DPP6: variants seen among roughly 807,000 people sequenced by gnomAD.
DPP6 encodes the protein A-type potassium channel modulatory protein DPP6.
In DPP6, 69 loss-of-function variants were observed where a neutral mutation model predicts 122.6. That is an observed-to-expected ratio of 0.56 (90% CI 0.46 to 0.69). The LOEUF (loss-of-function observed/expected upper bound fraction) is 0.69. Ranked by LOEUF, DPP6 falls within the 30% of genes least tolerant of loss-of-function variation. DPP6 has a pLI of 0.00. For missense variants in DPP6, 928 were observed against 1,116.9 expected (o/e 0.83, Z 2.41); for synonymous variants, 418 against 433.1 (o/e 0.97, Z 0.43).
chr7:154,465,424 A>G (rs1821697615), intron 2 of DPP6, among the ~76,000 whole-genome samples: 1 of 152,208 alleles, frequency 6.6e-6, no homozygotes, highest in African/African-American at 2.4e-5. Flanking sequence ...TGAACAGGCA[A>G]CCTACAGAAT....
chr7:154,885,768 C>T (rs563356806), intron 22 of DPP6, 24 bp downstream of exon 22: 23 of 1,562,628 alleles, frequency 1.5e-5, no homozygotes, highest in Non-Finnish European at 1.8e-5. Context: ...CAGGACCAAG[C>T]GACGGGCTCT....
chr7:154,540,616 GCA>G lies in DPP6; in HGVS notation c.543_544del (p.Lys183AsnfsTer2). On this transcript the variant is annotated frameshift_variant, in exon 4 of 26. Transcript: ENST00000377770. LOFTEE classifies it high-confidence loss of function. ...AATACTTCTACTGTCTTAATAGAAG[GCA>G]AAAAAATTGTAAGTACTCTCTTTAA... is the stretch of plus-strand genomic sequence containing the variant. 6.4e-7 allele frequency: 1 copy of G among 1,568,496 alleles called. No homozygotes were observed. The highest frequency in any genetic ancestry group is 1.2e-5 in the South Asian group (1 of 82,930).
chr7:154,515,024 G>GACAAAGT (rs1826375687), intron 3 of DPP6, among the ~76,000 whole-genome samples: 1 of 152,160 alleles, frequency 6.6e-6, no homozygotes, highest in Non-Finnish European at 1.5e-5. Flanking sequence ...GAGCCAAGAA[G>GACAAAGT]ACAAAGTCAT....
At chr7:154,005,223 G>C (rs1294391556) in intron 1 of DPP6, among the ~76,000 whole-genome samples, 1 of 152,200 alleles carries the variant, frequency 6.6e-6, no homozygotes, top group African/African-American at 2.4e-5. Context: ...CCTACCCCAA[G>C]AAAATAACTA....
chr7:154,892,434 A>G lies in DPP6; in HGVS notation c.2552A>G (p.Asp851Gly). The G allele has an allele frequency of 6.2e-7, 1 of 1,614,032 alleles. No individual in the cohort carries two copies. ...TTCGTGGAATGCTTCAGGATCCAGG[A>G]CAAACTGCTGACAGTCACAGCGAAA... ...NFFVECFRIQ[D>G]KLLTVTAKED... The change falls in exon 26 of 26, where the codon GAC becomes GGC. Residue 851 changes from aspartate (D) to glycine (G), a missense_variant. Asp to Gly is a moderately conservative substitution (Grantham distance 94). Transcript: ENST00000377770.
chr7:153,887,828 C>G lies in DPP6; in HGVS notation c.51+94C>G, dbSNP rs1210007338. 2.2e-6 allele frequency: 3 copies of G among 1,381,770 alleles called. No homozygotes were observed. In the African/African-American group the frequency reaches 4.3e-5, roughly 20 times the overall value. 85.6% of individuals were successfully genotyped at this position (1,381,770 alleles called of 1,614,324 possible). A position where few individuals can be genotyped will look rare whatever the true frequency, so the allele number is the denominator to read the frequency against. ...TCTGTCCTTCTCAGTCCCGAACCTC[C>G]CTGGAAGGACAGCGACCCCATGCCC... On this transcript the variant is annotated intron_variant, in intron 1 of 25. Transcript: ENST00000404039.
At chr7:154,065,870 C>T (rs914214692) in intron 1 of DPP6, among the ~76,000 whole-genome samples, 1 of 151,918 alleles carries the variant, frequency 6.6e-6, no homozygotes, top group African/African-American at 2.4e-5. Flanking sequence ...TGCATGAGGG[C>T]TTCAGGAGGT....
chr7:154,238,336 T>C (rs535761609), intron 1 of DPP6, among the ~76,000 whole-genome samples: 1 of 152,188 alleles, frequency 6.6e-6, no homozygotes, highest in Admixed American at 6.5e-5. Flanking sequence ...TGAAATAATA[T>C]TGACACATAT....
chr7:154,847,130 AG>A (rs1802006492), intron 16 of DPP6, among the ~76,000 whole-genome samples: 1 of 152,174 alleles, frequency 6.6e-6, no homozygotes, highest in South Asian at 2.1e-4. Context: ...CATACGCATG[AG>A]CATCTTCAGA....
chr7:153,774,048 G>C, the DPP6 span, among the ~76,000 whole-genome samples: 1 of 151,994 alleles, frequency 6.6e-6, no homozygotes, highest in South Asian at 2.1e-4. Flanking sequence ...CTTATAAAAG[G>C]CATAACTACC....
intron 6 of DPP6, among the ~76,000 whole-genome samples, chr7:154,645,211 G>A (rs1214624802): frequency 2.0e-5 from 3 of 151,670 alleles, no homozygotes; most frequent in South Asian, 2.1e-4. Flanking sequence ...GACTACAGGC[G>A]CCCACCACCA....
intron 16 of DPP6, among the ~76,000 whole-genome samples, chr7:154,832,687 C>T (rs1343348581): frequency 6.6e-6 from 1 of 152,214 alleles, no homozygotes; most frequent in African/African-American, 2.4e-5. Flanking sequence ...GAAACACCAA[C>T]ATTTTTGCTG....
intron 1 of DPP6, among the ~76,000 whole-genome samples, chr7:154,412,037 A>AG (rs572052203): frequency 4.2e-4 from 64 of 152,090 alleles, no homozygotes; most frequent in Non-Finnish European, 8.5e-4. Flanking sequence ...GTGTCTGCTG[A>AG]GGGGTCACTC....
In DPP6 at chr7:154,406,115, G is replaced by C. The variant is rs137944492; in HGVS notation, c.244-40099G>C. 2.3e-3 allele frequency among the ~76,000 whole-genome samples: 351 copies of C among 152,252 alleles called. 1 individual carries two copies. Among genetic ancestry groups the C allele is most frequent in the African/African-American group, 7.0e-3 (289 of 41,556 alleles). The stretch of plus-strand genomic sequence containing the variant: ...TGCTGTAAAGTCTATGCAAAATCTG[G>C]ATGCTCATGGAGAAGATTCTTGTCA... On this transcript the variant is annotated intron_variant, in intron 1 of 25. Transcript: ENST00000377770.
intron 1 of DPP6, among the ~76,000 whole-genome samples, chr7:153,982,406 G>A (rs1217765640): frequency 2.0e-5 from 3 of 151,882 alleles, no homozygotes; most frequent in South Asian, 2.1e-4. Flanking sequence ...GGTCATTTAT[G>A]TTCTTCTCTA....
At chr7:153,769,390 C>G in the DPP6 span, among the ~76,000 whole-genome samples, 1 of 152,138 alleles carries the variant, frequency 6.6e-6, no homozygotes, top group Non-Finnish European at 1.5e-5. Flanking sequence ...ACCTCCAGTA[C>G]TATGTTAAAC....
Position 154,688,538 on chromosome 7 carries a change from A to G in DPP6, c.762+19097A>G, listed in dbSNP as rs139516413. Among the ~76,000 whole-genome samples, 8 of 152,262 alleles carry G rather than the reference A, an allele frequency of 5.3e-5. No homozygotes were observed. In the East Asian group the frequency reaches 1.5e-3, roughly 29 times the overall value. On this transcript the variant is annotated intron_variant, in intron 7 of 25. Transcript: ENST00000377770. The stretch of plus-strand genomic sequence containing the variant: ...TAGAGGGACAGAACTAACAGGATAT[A>G]TATATTAACTTACACGATCACAAGG...
chr7:154,346,906 G>C (rs1810445542), intron 1 of DPP6, among the ~76,000 whole-genome samples: 1 of 152,154 alleles, frequency 6.6e-6, no homozygotes, highest in Admixed American at 6.5e-5. Context: ...CTTTCGCCCA[G>C]AGTATAATGT....
chr7:154,802,003 G>A (rs894137479), intron 13 of DPP6, among the ~76,000 whole-genome samples: 7 of 151,954 alleles, frequency 4.6e-5, no homozygotes, highest in African/African-American at 1.5e-4. Context: ...ATTAATATAC[G>A]TGAATCTAGG....
Sources: allele counts gnomAD v4.1 joint callset (sites outside exome capture counted in the v4.1 genomes callset), GRCh38; gene constraint gnomAD v4.1.1; transcripts MANE v1.5; gene names NCBI Gene and HGNC (gene_info 2026-07-23, HGNC 2026-07-21).